The following MIA3 variants were observed in gnomAD, a reference collection of about 807,000 sequenced individuals.
MIA3 encodes the protein transport and Golgi organization protein 1 homolog.
A neutral mutation model predicts 192.4 loss-of-function variants in MIA3; 90 were observed. The ratio of observed to expected loss-of-function variants is 0.47; its 90% CI spans 0.39 to 0.56. The LOEUF is 0.56. MIA3 is among the 20% of genes least tolerant of loss of function. The pLI is 0.00. For missense variants in MIA3, 2,123 were observed against 2,269.4 expected (o/e 0.94, Z 1.31); for synonymous variants, 740 against 792.8 (o/e 0.93, Z 1.12).
intron 11 of MIA3, 110 bp downstream of exon 11, chr1:222,651,013 C>G: frequency 1.5e-6 from 1 of 651,936 alleles, no homozygotes; most frequent in Non-Finnish European, 2.6e-6. Context: ...GAGTGCGAGT[C>G]AGGGAAGTTG....
intron 6 of MIA3, among the ~76,000 whole-genome samples, chr1:222,637,123 C>G (rs1662663486): frequency 6.6e-6 from 1 of 152,136 alleles, no homozygotes; most frequent in South Asian, 2.1e-4. Context: ...CAGTTACTGT[C>G]TATGGAGTTC....
At chr1:222,620,655 A>T (rs1481132213) in intron 1 of MIA3, among the ~76,000 whole-genome samples, 1 of 152,248 alleles carries the variant, frequency 6.6e-6, no homozygotes, top group African/African-American at 2.4e-5. Flanking sequence ...ACTTGAAGAT[A>T]GACCCTTTTA....
Position 222,659,632 on chromosome 1 carries a change from A to C in MIA3, c.4781A>C (p.His1594Pro). The C allele has an allele frequency of 6.2e-7, 1 of 1,614,050 alleles. No homozygotes were observed. Among genetic ancestry groups the C allele is most frequent in the Non-Finnish European group, 8.5e-7 (1 of 1,179,952 alleles). Reference sequence around the variant, plus strand: ...TATTATCTTTTTCAGATCGCTACCCATGAGAAGAAAGCTCATGAAAACTGG... The same window carrying C: ...TATTATCTTTTTCAGATCGCTACCCCTGAGAAGAAAGCTCATGAAAACTGG... ...ERSFKNQIAT[H>P]EKKAHENWLK... The change falls in exon 21 of 28, where the codon CAT becomes CCT. Residue 1594 changes from histidine (H) to proline (P), a missense_variant. His to Pro is a moderately conservative substitution (Grantham distance 77, BLOSUM62 -2). Transcript: ENST00000344922.
At chr1:222,648,736 A>G in intron 7 of MIA3, 93 bp from the exon 8 acceptor site, 2 of 782,488 alleles carry the variant, frequency 2.6e-6, no homozygotes, top group South Asian at 3.2e-5. Context: ...TTAAATTCTC[A>G]TTTGGTTACA....
At chr1:222,621,817 T>G (rs1323922651) in intron 2 of MIA3, among the ~76,000 whole-genome samples, 7 of 150,752 alleles carry the variant, frequency 4.6e-5, no homozygotes, top group Non-Finnish European at 8.9e-5. Flanking sequence ...TTGTTTGTTT[T>G]TTTTTTTTTG....
intron 3 of MIA3, among the ~76,000 whole-genome samples, chr1:222,625,362 G>T (rs1337382977): frequency 6.6e-6 from 1 of 152,202 alleles, no homozygotes; most frequent in Non-Finnish European, 1.5e-5. Flanking sequence ...GAAAAATTAA[G>T]AGTTCAGTAG....
At chr1:222,660,139 G>T in intron 23 of MIA3, 38 bp from the exon 24 acceptor site, 1 of 1,600,160 alleles carries the variant, frequency 6.2e-7, no homozygotes. Context: ...AGAAAAAAAG[G>T]CTGTCTTAAA....
At chr1:222,647,390 C>A (rs1289758523) in intron 7 of MIA3, among the ~76,000 whole-genome samples, 2 of 152,022 alleles carry the variant, frequency 1.3e-5, no homozygotes, top group African/African-American at 4.8e-5. Context: ...GTTAAAATGG[C>A]CAAAATTATT....
In MIA3 at chr1:222,618,310, G is replaced by T. The variant is rs937297572; in HGVS notation, c.133+67G>T. 2.8e-5 allele frequency: 35 copies of T among 1,271,452 alleles called. No individual in the cohort carries two copies. The African/African-American group carries it at 4.2e-4, about 15-fold the overall frequency. The allele number at this position is 1,271,452 out of a possible 1,614,324, so 78.8% of individuals were successfully genotyped here. Reference sequence around the variant, plus strand: ...CTTGGGGTCTCCGCCGGCCCCGGGGGTCTCCGCGGCGGCGCCGCCTGGGCT... The same window carrying T: ...CTTGGGGTCTCCGCCGGCCCCGGGGTTCTCCGCGGCGGCGCCGCCTGGGCT... On this transcript the variant is annotated intron_variant, in intron 1 of 27. Transcript: ENST00000344922.
intron 26 of MIA3, 87 bp from the exon 27 acceptor site, chr1:222,663,911 T>C: frequency 7.9e-7 from 1 of 1,271,286 alleles, no homozygotes; most frequent in African/African-American, 1.5e-5. Context: ...TGACATCTGC[T>C]TCATTGGGTT....
chr1:222,633,810 G>A (rs915530990), intron 6 of MIA3, among the ~76,000 whole-genome samples: 33 of 151,854 alleles, frequency 2.2e-4, no homozygotes, highest in African/African-American at 8.0e-4. Flanking sequence ...AAGGTTATTT[G>A]GGGAAGCCAG....
rs1425625418 is a variant in MIA3 at position 222,653,036 on chromosome 1, A to G, written c.4115A>G (p.Lys1372Arg). The G allele has an allele frequency of 6.2e-7, 1 of 1,612,380 alleles. No homozygotes were observed. Among genetic ancestry groups the G allele is most frequent in the Non-Finnish European group, 8.5e-7 (1 of 1,178,758 alleles). ...CAGCAGGAAATCGAAGACTGGAGTA[A>G]ATTACATGCTGAGCTCAGTGAGCAA... The part of the protein sequence containing the change: ...QLQQEIEDWS[K>R]LHAELSEQIK... The change falls in exon 14 of 28, where the codon AAA becomes AGA. Residue 1372 changes from lysine (K) to arginine (R), a missense_variant. Transcript: ENST00000344922.
At chr1:222,641,879 A>G (rs1167596018) in intron 6 of MIA3, 20 of 462,800 alleles carry the variant, frequency 4.3e-5, no homozygotes, top group South Asian at 3.1e-4. Flanking sequence ...ATAAAAGCCT[A>G]AAACTGGAAA....
chr1:222,657,472 A>C (rs1326281999), intron 18 of MIA3, among the ~76,000 whole-genome samples: 1 of 152,188 alleles, frequency 6.6e-6, no homozygotes, highest in African/African-American at 2.4e-5. Context: ...CTTACTTATA[A>C]TTCTGTGTTT....
chr1:222,660,952 C>T (rs1663978346), intron 24 of MIA3: 1 of 152,502 alleles, frequency 6.6e-6, no homozygotes, highest in South Asian at 2.1e-4. Context: ...ATCATAAATG[C>T]ATAAGATTAG....
chr1:222,659,546 C>T lies in MIA3; in HGVS notation c.4770+33C>T, dbSNP rs369442900. 156 of 1,610,710 alleles carry T rather than the reference C, an allele frequency of 9.7e-5. 2 individuals carry two copies. In the South Asian group the frequency reaches 1.3e-3, roughly 13 times the overall value. ...TTCTAGTGCCCTACTATATAGTGCCCGGAATTCTTTGATAACTAATAGAGG... is the reference window on the plus strand; with the variant it reads ...TTCTAGTGCCCTACTATATAGTGCCTGGAATTCTTTGATAACTAATAGAGG... On this transcript the variant is annotated intron_variant, in intron 20 of 27. Transcript: ENST00000344922.
In MIA3 at chr1:222,624,774, C is replaced by G. The variant is rs372980758; in HGVS notation, c.274C>G (p.Arg92Gly). 2.6e-6 allele frequency: 4 copies of G among 1,542,778 alleles called. No individual in the cohort carries two copies. The East Asian group carries it at 6.8e-5, about 26-fold the overall frequency. Residue 92 changes from arginine (R) to glycine (G), a missense_variant, in exon 3 of 28, where the codon CGC becomes GGC. By Grantham distance (125) the Arg-to-Gly change is moderately radical. Around this residue, in one of 3 missense-constraint regions of MIA3, gnomAD observed 1,357 missense variants for 1,396.1 expected, o/e 0.97. Transcript: ENST00000344922. ...TGCCCATTCTTTTGTGTAGGTTGGA[C>G]GCACTTTTGGATATTTTCCAAAAGA... Reference protein sequence around the residue: ...WPEVWAGSVGRTFGYFPKDLI... With the variant: ...WPEVWAGSVGGTFGYFPKDLI...
At chr1:222,663,329 G>A (rs903993224) in intron 26 of MIA3, among the ~76,000 whole-genome samples, 3 of 152,160 alleles carry the variant, frequency 2.0e-5, no homozygotes, top group African/African-American at 7.2e-5. Flanking sequence ...CTTTGAAGTA[G>A]GAGACTTCGA....
chr1:222,633,049 T>TA, intron 5 of MIA3, 55 bp from the exon 6 acceptor site: 1 of 1,524,912 alleles, frequency 6.6e-7, no homozygotes, highest in Non-Finnish European at 8.8e-7. Flanking sequence ...AAGTATTTTT[T>TA]AAAGAGAATT....
Sources: allele counts gnomAD v4.1 joint callset (sites outside exome capture counted in the v4.1 genomes callset), GRCh38; gene constraint gnomAD v4.1.1; regional missense constraint gnomAD v4.1.1; transcripts MANE v1.5; gene names NCBI Gene and HGNC (gene_info 2026-07-23, HGNC 2026-07-21).